The following UNC13C variants were observed in gnomAD, a reference collection of about 807,000 sequenced individuals.
The protein encoded by UNC13C is protein unc-13 homolog C.
In UNC13C, 174 loss-of-function variants were observed where a neutral mutation model predicts 245.4. The ratio of observed to expected loss-of-function variants is 0.71; its 90% CI spans 0.63 to 0.80. UNC13C has a LOEUF of 0.80. Ranked by LOEUF, UNC13C falls within the 30% of genes least tolerant of loss-of-function variation. UNC13C has a pLI of 0.00. For synonymous variants in UNC13C, 992 were observed against 895.1 expected (o/e 1.11, Z -1.93); for missense variants, 2,829 against 2,602.9 (o/e 1.09, Z -1.89).
the UNC13C span, among the ~76,000 whole-genome samples, chr15:53,906,366 C>T: frequency 6.6e-6 from 1 of 152,198 alleles, no homozygotes; most frequent in Non-Finnish European, 1.5e-5. Flanking sequence ...CCAACTACTG[C>T]ACTAGGTCTG....
At chr15:54,632,788 G>C (rs1450409945), downstream of UNC13C, 1 of 152,160 alleles carries the variant, frequency 6.6e-6, no homozygotes, top group Admixed American at 6.5e-5. Context: ...GCTTTATACT[G>C]TCTTGAACTC....
chr15:53,994,228 A>C (rs926191031), intron 1 of UNC13C, among the ~76,000 whole-genome samples: 1 of 129,074 alleles, frequency 7.7e-6, no homozygotes, highest in Non-Finnish European at 1.6e-5. Context: ...TTGATATTTA[A>C]ATTCCTTACT....
chr15:53,873,449 C>G, the UNC13C span, among the ~76,000 whole-genome samples: 1 of 152,190 alleles, frequency 6.6e-6, no homozygotes, highest in South Asian at 2.1e-4. Flanking sequence ...CCACAGGAAA[C>G]TCATGGAGCA....
intron 2 of UNC13C, among the ~76,000 whole-genome samples, chr15:54,096,873 G>C (rs1899895757): frequency 6.6e-6 from 1 of 152,082 alleles, no homozygotes; most frequent in Admixed American, 6.6e-5. Context: ...ATATTCAAAA[G>C]GATATATGAT....
intron 2 of UNC13C, among the ~76,000 whole-genome samples, chr15:54,131,691 T>G (rs2031425031): frequency 6.6e-6 from 1 of 152,182 alleles, no homozygotes; most frequent in Non-Finnish European, 1.5e-5. Context: ...TTGGTTCTAG[T>G]CATGCACTGG....
At chr15:54,275,230 G>A (rs1423849552) in intron 10 of UNC13C, among the ~76,000 whole-genome samples, 1 of 152,150 alleles carries the variant, frequency 6.6e-6, no homozygotes, top group African/African-American at 2.4e-5. Context: ...CTACTCGTAG[G>A]TAGGCTACTT....
chr15:53,842,773 CT>C, the UNC13C span, among the ~76,000 whole-genome samples: 2 of 151,960 alleles, frequency 1.3e-5, no homozygotes, highest in Non-Finnish European at 2.9e-5. Flanking sequence ...TGCTCCTTAA[CT>C]TTCCTCAAAC....
At chr15:54,430,921 T>C (rs1300021391) in intron 19 of UNC13C, among the ~76,000 whole-genome samples, 1 of 151,706 alleles carries the variant, frequency 6.6e-6, no homozygotes, top group Non-Finnish European at 1.5e-5. Context: ...GTGATCCAAG[T>C]CTTCCCACGG....
intron 30 of UNC13C, among the ~76,000 whole-genome samples, chr15:54,603,895 A>T (rs1005832657): frequency 1.3e-5 from 2 of 152,106 alleles, no homozygotes; most frequent in African/African-American, 4.8e-5. Context: ...CTTTATTGAA[A>T]GCTTACACCT....
the UNC13C span, among the ~76,000 whole-genome samples, chr15:53,883,526 G>A: frequency 6.6e-6 from 1 of 151,996 alleles, no homozygotes; most frequent in Non-Finnish European, 1.5e-5. Context: ...ATGCCAATCG[G>A]GTCTATCACA....
chr15:54,401,712 G>A (rs2040189069), intron 18 of UNC13C, among the ~76,000 whole-genome samples: 1 of 152,134 alleles, frequency 6.6e-6, no homozygotes, highest in African/African-American at 2.4e-5. Flanking sequence ...GGAGGACTTT[G>A]TGCCTGATGA....
At chr15:54,190,517 C>T (rs558177956) in intron 4 of UNC13C, among the ~76,000 whole-genome samples, 2 of 151,966 alleles carry the variant, frequency 1.3e-5, no homozygotes, top group African/African-American at 2.4e-5. Context: ...ATAGATTATG[C>T]GCCATTCTTC....
intron 30 of UNC13C, among the ~76,000 whole-genome samples, chr15:54,607,066 A>G (rs2250283): frequency 0.053 from 8,017 of 152,254 alleles, 720 homozygotes; most frequent in African/African-American, 0.18. Context: ...TCAGCTTCAA[A>G]TCTTAAATTT....
At chr15:54,396,909 A>G (rs1232884861) in intron 18 of UNC13C, among the ~76,000 whole-genome samples, 1 of 150,952 alleles carries the variant, frequency 6.6e-6, no homozygotes, top group African/African-American at 2.4e-5. Context: ...GGTCTATACT[A>G]GATAAAAGTC....
chr15:54,380,421 C>T (rs192570560), intron 17 of UNC13C, among the ~76,000 whole-genome samples: 4 of 152,222 alleles, frequency 2.6e-5, no homozygotes, highest in Admixed American at 2.6e-4. Flanking sequence ...GTGAATAATG[C>T]TACAATGAAT....
At position 54,209,621 on chromosome 15, in the gene UNC13C, C is replaced by T. The variant is rs191932112; in HGVS notation, c.3072-25409C>T. Among the ~76,000 whole-genome samples the T allele has an allele frequency of 4.5e-4, 68 of 152,150 alleles. 1 individual carries two copies. The East Asian group carries it at 0.012, about 28-fold the overall frequency. On this transcript the variant is annotated intron_variant, in intron 4 of 32. Coordinates refer to ENST00000260323, the MANE Select transcript of UNC13C (RefSeq NM_001080534.3). ...TAGAGACAGGATTTTGCCATATTGC[C>T]AAGGCTGGTCTTGAACTCCTGGGCT... is the stretch of plus-strand genomic sequence containing the variant.
At chr15:54,459,487 G>C (rs1380504433) in intron 19 of UNC13C, among the ~76,000 whole-genome samples, 2 of 152,068 alleles carry the variant, frequency 1.3e-5, no homozygotes, top group Non-Finnish European at 2.9e-5. Context: ...CCTCAAATAA[G>C]TTTTCCAAAC....
intron 13 of UNC13C, among the ~76,000 whole-genome samples, chr15:54,301,321 G>C (rs1398567842): frequency 6.7e-6 from 1 of 149,556 alleles, no homozygotes; most frequent in African/African-American, 2.5e-5. Flanking sequence ...TAAGTTCTGG[G>C]GTACATGTGC....
intron 17 of UNC13C, among the ~76,000 whole-genome samples, chr15:54,355,803 G>A (rs2039082381): frequency 6.6e-6 from 1 of 151,746 alleles, no homozygotes; most frequent in Admixed American, 6.6e-5. Context: ...CTCCCCTCCT[G>A]GAAATAAACA....
Sources: allele counts gnomAD v4.1 joint callset (sites outside exome capture counted in the v4.1 genomes callset), GRCh38; gene constraint gnomAD v4.1.1; transcripts MANE v1.5; gene names NCBI Gene and HGNC (gene_info 2026-07-23, HGNC 2026-07-21).